The following SCCPDH variants were observed in gnomAD, a reference collection of about 807,000 sequenced individuals.
SCCPDH encodes saccharopine dehydrogenase-like oxidoreductase.
A neutral mutation model predicts 51.5 loss-of-function variants in SCCPDH; 34 were observed. The observed-to-expected ratio is 0.66, with a 90% confidence interval of 0.50 to 0.88. The LOEUF is 0.88. Among genes scored for constraint, SCCPDH ranks in the 40% least tolerant of loss-of-function variants. The probability of loss-of-function intolerance (pLI) is 0.00; values close to 1 mark genes in which losing one functional copy is unlikely to be tolerated. For synonymous variants in SCCPDH, 187 were observed against 191.3 expected (o/e 0.98, Z 0.19); for missense variants, 464 against 527.1 (o/e 0.88, Z 1.17).
At chr1:246,730,412 T>G (rs910456461) in intron 2 of SCCPDH, among the ~76,000 whole-genome samples, 2 of 152,248 alleles carry the variant, frequency 1.3e-5, no homozygotes, top group Non-Finnish European at 2.9e-5. Flanking sequence ...CTCTAAATGC[T>G]TGAGGCCTCA....
At position 246,727,389 on chromosome 1, in the gene SCCPDH, A is replaced by C. The variant is rs921167044; in HGVS notation, c.303+385A>C. Among the ~76,000 whole-genome samples, 4 of 152,216 alleles carry C rather than the reference A, an allele frequency of 2.6e-5. 1 individual carries two copies. The highest frequency in any genetic ancestry group is 7.2e-5 in the African/African-American group (3 of 41,466). The stretch of plus-strand genomic sequence containing the variant: ...ATATATTTTTTAAATGCACAAAAAG[A>C]AGACTAAAAAACGACTCATTTATTG... On this transcript the variant is annotated intron_variant, in intron 2 of 11. Transcript: ENST00000366510.
intron 5 of SCCPDH, among the ~76,000 whole-genome samples, chr1:246,745,873 C>T (rs1337528747): frequency 6.6e-6 from 1 of 152,118 alleles, no homozygotes; most frequent in Admixed American, 6.5e-5. Context: ...CTTTGGGAGG[C>T]CGAGGCGGGC....
In SCCPDH at chr1:246,760,033, T is replaced by C. The variant is rs777426599; in HGVS notation, c.890T>C (p.Leu297Ser). The C allele has an allele frequency of 3.1e-6, 5 of 1,613,816 alleles. No homozygotes were observed. Among genetic ancestry groups the C allele is most frequent in the Non-Finnish European group, 3.4e-6 (4 of 1,179,796 alleles). ...IKLMFAGLFF[L>S]FFVRFGIGRQ... Reference sequence around the variant, plus strand: ...CTGATGTTTGCAGGACTTTTCTTTTTGTTCTTTGTGAGGTTTGGAATTGGA... The same window carrying C: ...CTGATGTTTGCAGGACTTTTCTTTTCGTTCTTTGTGAGGTTTGGAATTGGA... Residue 297 changes from leucine to serine, a missense_variant, in exon 8 of 12, where the codon TTG becomes TCG. Transcript: ENST00000366510.
chr1:246,745,540 C>T (rs1379903350), intron 5 of SCCPDH, among the ~76,000 whole-genome samples: 3 of 152,094 alleles, frequency 2.0e-5, no homozygotes, highest in Non-Finnish European at 4.4e-5. Flanking sequence ...GTCCAGAGAT[C>T]ATGAACTTTC....
intron 2 of SCCPDH, among the ~76,000 whole-genome samples, chr1:246,730,030 C>G (rs931914243): frequency 2.0e-5 from 3 of 152,066 alleles, no homozygotes; most frequent in Non-Finnish European, 2.9e-5. Flanking sequence ...TATGTGATAT[C>G]TCCCATATTT....
At chr1:246,746,107 CAAAAAAAAAAAA>C (rs756929255) in intron 5 of SCCPDH, among the ~76,000 whole-genome samples, 4 of 79,572 alleles carry the variant, frequency 5.0e-5, no homozygotes, top group East Asian at 8.2e-4. Context: ...GACTCCATCT[CAAAAAAAAAAAA>C]AAAAAAAAAA....
intron 5 of SCCPDH, among the ~76,000 whole-genome samples, chr1:246,757,344 CAA>C (rs10649597): frequency 1.3e-4 from 10 of 77,426 alleles, no homozygotes; most frequent in African/African-American, 4.6e-4. Flanking sequence ...GACTCTGTCT[CAA>C]AAAAAAAAAA....
At chr1:246,765,461 T>G (rs1669073781) in intron 10 of SCCPDH, among the ~76,000 whole-genome samples, 1 of 152,242 alleles carries the variant, frequency 6.6e-6, no homozygotes, top group South Asian at 2.1e-4. Flanking sequence ...CCACCTGACT[T>G]TTTAAGGTAA....
chr1:246,752,132 C>T (rs955858493), intron 5 of SCCPDH, among the ~76,000 whole-genome samples: 6 of 152,026 alleles, frequency 3.9e-5, no homozygotes, highest in African/African-American at 1.4e-4. Flanking sequence ...TTCCAAAGCA[C>T]ACTGCCTTCA....
At chr1:246,758,402 ATTG>A in intron 6 of SCCPDH, 46 bp downstream of exon 6, 2 of 1,436,894 alleles carry the variant, frequency 1.4e-6, no homozygotes, top group Non-Finnish European at 1.9e-6. Flanking sequence ...GTCTAAGTAT[ATTG>A]TTGTTGGGTT....
chr1:246,762,841 CAAA>C (rs35066232), intron 9 of SCCPDH, among the ~76,000 whole-genome samples: 38 of 90,884 alleles, frequency 4.2e-4, no homozygotes, highest in Admixed American at 3.7e-4. Context: ...ATTCCTTCTC[CAAA>C]AAAAAAAAAA....
intron 5 of SCCPDH, among the ~76,000 whole-genome samples, chr1:246,747,093 G>A (rs909105525): frequency 1.3e-5 from 2 of 152,250 alleles, no homozygotes; most frequent in Middle Eastern, 3.4e-3. Flanking sequence ...TAAATCATAT[G>A]GCTGGATCTA....
rs1402039907 is a variant in SCCPDH, at chr1:246,765,621, G to A, written c.1103-437G>A. Among the ~76,000 whole-genome samples, 5 of 152,298 alleles carry A rather than the reference G, an allele frequency of 3.3e-5. No homozygotes were observed. In the East Asian group the frequency reaches 9.6e-4, roughly 29 times the overall value. On this transcript the variant is annotated intron_variant, in intron 10 of 11. Coordinates refer to ENST00000366510, the MANE Select transcript of SCCPDH (RefSeq NM_016002.3). ...TTTTTAAGTGAAGTGTGTGAATACA[G>A]ATAGGGATCGGCTCAGTGTACAATA...
intron 5 of SCCPDH, among the ~76,000 whole-genome samples, chr1:246,746,431 C>T (rs966057679): frequency 3.3e-5 from 5 of 152,164 alleles, no homozygotes; most frequent in Non-Finnish European, 5.9e-5. Context: ...GCCCAGGACG[C>T]GGCGCCGGGC....
Position 246,767,195 on chromosome 1 carries a change from G to A in SCCPDH, c.1185G>A (p.Ala395=), listed in dbSNP as rs1669098008. The A allele has an allele frequency of 3.1e-6, 5 of 1,604,006 alleles. No individual in the cohort carries two copies. The highest frequency in any genetic ancestry group is 1.7e-5 in the Admixed American group (1 of 58,848). ...GTTTTCTCTTGTTATTGTTTTATAG[G>A]GGCGGGGTCTTCACACCTGGAGCAG... ...LLSDASHLPK[A]GGVFTPGAAF... is the part of the protein sequence containing the mutation. Residue 395 remains alanine, a splice_region_variant and synonymous_variant, in exon 12 of 12, where the codon GCG becomes GCA. Coordinates refer to ENST00000366510, the MANE Select transcript of SCCPDH (RefSeq NM_016002.3).
intron 5 of SCCPDH, among the ~76,000 whole-genome samples, chr1:246,752,579 G>T (rs538776335): frequency 6.6e-6 from 1 of 152,258 alleles, no homozygotes; most frequent in East Asian, 1.9e-4. Context: ...AAGGAATAGG[G>T]TATTGCTTTC....
intron 9 of SCCPDH, 61 bp from the exon 10 acceptor site, chr1:246,764,185 A>T: frequency 3.0e-6 from 3 of 987,116 alleles, no homozygotes; most frequent in Non-Finnish European, 3.2e-6. Context: ...AGTCGGTTTT[A>T]CTATGTTCCA....
At chr1:246,729,392 C>T (rs894602923) in intron 2 of SCCPDH, among the ~76,000 whole-genome samples, 3 of 144,990 alleles carry the variant, frequency 2.1e-5, no homozygotes, top group African/African-American at 7.3e-5. Flanking sequence ...ACTCCCAGAG[C>T]GGCCATTTTA....
intron 5 of SCCPDH, among the ~76,000 whole-genome samples, chr1:246,748,280 G>A (rs1668792990): frequency 6.6e-6 from 1 of 152,050 alleles, no homozygotes; most frequent in Non-Finnish European, 1.5e-5. Flanking sequence ...TAAGAATTGA[G>A]GCTGAGTTCT....
Sources: gnomAD v4.1 joint callset for allele counts (sites outside exome capture counted in the v4.1 genomes callset) on GRCh38, gnomAD v4.1.1 for gene constraint, MANE v1.5 for transcripts, NCBI Gene and HGNC (gene_info 2026-07-23, HGNC 2026-07-21) for gene names.